USP8: variants seen among roughly 807,000 people sequenced by gnomAD.
USP8 encodes ubiquitin carboxyl-terminal hydrolase 8.
A neutral mutation model predicts 130.0 loss-of-function variants in USP8; 27 were observed. That is an observed-to-expected ratio of 0.21 (90% CI 0.15 to 0.29). USP8 has a LOEUF of 0.29. USP8 is among the 10% of genes least tolerant of loss of function. The pLI is 1.00. For synonymous variants in USP8, 392 were observed against 444.1 expected (o/e 0.88, Z 1.48); for missense variants, 1,029 against 1,312.2 (o/e 0.78, Z 3.33).
At chr15:50,436,984 C>CT (rs548499298) in intron 1 of USP8, among the ~76,000 whole-genome samples, 30 of 147,490 alleles carry the variant, frequency 2.0e-4, no homozygotes, top group East Asian at 1.0e-3. Flanking sequence ...TGTTCCAAGT[C>CT]TTTTTTTTTT....
At chr15:50,430,541 G>A (rs1037100698) in intron 1 of USP8, among the ~76,000 whole-genome samples, 1 of 152,016 alleles carries the variant, frequency 6.6e-6, no homozygotes, top group African/African-American at 2.4e-5. Flanking sequence ...GGGACCACAG[G>A]CGCATGCCAC....
At chr15:50,467,000 A>T in intron 7 of USP8, 1 of 507,516 alleles carries the variant, frequency 2.0e-6, no homozygotes, top group South Asian at 2.6e-5. Flanking sequence ...TCCACAAACA[A>T]CTCATTGACT....
chr15:50,491,017 G>A lies in USP8; in HGVS notation c.2234+492G>A, dbSNP rs556736370. Among the ~76,000 whole-genome samples, 6 of 152,156 alleles carry A rather than the reference G, an allele frequency of 3.9e-5. No individual in the cohort carries two copies. The East Asian group carries it at 1.2e-3, about 29-fold the overall frequency. On this transcript the variant is annotated intron_variant, in intron 14 of 19. Transcript: ENST00000307179. Reference sequence around the variant, plus strand: ...TTATTCTGTTCCCTTTTCCTTCGTTGTAGTTTTGCTATTCTGTTTACAAAT... The same window carrying A: ...TTATTCTGTTCCCTTTTCCTTCGTTATAGTTTTGCTATTCTGTTTACAAAT...
chr15:50,512,918 C>A lies in USP8; in HGVS notation c.*13830C>A, dbSNP rs1356341925. 6.6e-6 allele frequency: 1 copy of A among 152,014 alleles called. No homozygotes were observed. The highest frequency in any genetic ancestry group is 1.5e-5 in the Non-Finnish European group (1 of 67,994). 9.4% of individuals were successfully genotyped at this position (152,014 alleles called of 1,614,324 possible). ...TGGGAAACAAAAAGATCATGTACAA[C>A]AAACCAAAAACAAAAAAGTTATTTC... On this transcript the variant is annotated 3_prime_UTR_variant, in exon 20 of 20. Transcript: ENST00000307179.
At chr15:50,483,622 G>A (rs2051850880) in intron 11 of USP8, among the ~76,000 whole-genome samples, 2 of 152,088 alleles carry the variant, frequency 1.3e-5, no homozygotes, top group Admixed American at 6.6e-5. Context: ...GTAAAACCCT[G>A]TCTCCACTAA....
At chr15:50,426,043 C>T (rs1215813792) in intron 1 of USP8, among the ~76,000 whole-genome samples, 1 of 152,132 alleles carries the variant, frequency 6.6e-6, no homozygotes, top group Non-Finnish European at 1.5e-5. Flanking sequence ...ATCGCTTGAA[C>T]CTGGAAAGCG....
chr15:50,438,520 G>A (rs186859043), intron 1 of USP8, among the ~76,000 whole-genome samples: 1 of 152,304 alleles, frequency 6.6e-6, no homozygotes, highest in East Asian at 1.9e-4. Flanking sequence ...GGGAGGTGAA[G>A]GTTACAGTAA....
In USP8 at chr15:50,505,425, A is replaced by G. The variant is rs1281538805; in HGVS notation, c.*6337A>G. 15 of 152,230 alleles carry G rather than the reference A, an allele frequency of 9.9e-5. No homozygotes were observed. Among genetic ancestry groups the G allele is most frequent in the Non-Finnish European group, 1.5e-5 (1 of 68,052 alleles). The allele number at this position is 152,230 out of a possible 1,614,324, so 9.4% of individuals were successfully genotyped here. A position where few individuals can be genotyped will look rare whatever the true frequency, so the allele number is the denominator to read the frequency against. ...TCAATCTGGAATTTGATTTCTAGTT[A>G]TCATCCAAGAATGAAAGTGAATTAA... On this transcript the variant is annotated 3_prime_UTR_variant, in exon 20 of 20. Coordinates refer to ENST00000307179, the MANE Select transcript of USP8 (RefSeq NM_005154.5).
chr15:50,498,538 T>C, intron 18 of USP8, 58 bp from the exon 19 acceptor site: 2 of 1,502,810 alleles, frequency 1.3e-6, no homozygotes, highest in Non-Finnish European at 1.8e-6. Context: ...TGTTAATGAA[T>C]GAGGATTCAT....
intron 5 of USP8, among the ~76,000 whole-genome samples, chr15:50,461,421 A>G (rs868866177): frequency 2.8e-5 from 4 of 141,804 alleles, no homozygotes; most frequent in East Asian, 2.1e-4. Context: ...ATGCAACTGC[A>G]CTCCAGCTTG....
chr15:50,426,026 C>T (rs1037619914), intron 1 of USP8, among the ~76,000 whole-genome samples: 3 of 152,160 alleles, frequency 2.0e-5, no homozygotes, highest in African/African-American at 7.2e-5. Context: ...GAGGCTGAGG[C>T]AGGAGAATCG....
At chr15:50,490,947 A>G (rs1339990549) in intron 14 of USP8, among the ~76,000 whole-genome samples, 1 of 152,186 alleles carries the variant, frequency 6.6e-6, no homozygotes, top group African/African-American at 2.4e-5. Context: ...AAGTTTTCCT[A>G]TAGTATTAAA....
intron 1 of USP8, among the ~76,000 whole-genome samples, chr15:50,431,918 A>G (rs990636489): frequency 4.6e-5 from 7 of 152,190 alleles, no homozygotes; most frequent in Non-Finnish European, 1.0e-4. Flanking sequence ...AGCCTCCCAA[A>G]GTGCTGGGAT....
intron 1 of USP8, among the ~76,000 whole-genome samples, chr15:50,428,418 A>G (rs567456310): frequency 1.3e-5 from 2 of 152,334 alleles, no homozygotes; most frequent in African/African-American, 4.8e-5. Context: ...CGCCGGGCCT[A>G]CAATTTAGTT....
At chr15:50,459,834 A>T (rs1423884483) in intron 5 of USP8, among the ~76,000 whole-genome samples, 1 of 152,058 alleles carries the variant, frequency 6.6e-6, no homozygotes, top group African/African-American at 2.4e-5. Flanking sequence ...ATAGTCTTGA[A>T]ATAGACAATT....
chr15:50,500,795 A>G lies in USP8; in HGVS notation c.*1707A>G. The G allele has an allele frequency of 6.3e-7, 1 of 1,590,954 alleles. No individual in the cohort carries two copies. Among genetic ancestry groups the G allele is most frequent in the Non-Finnish European group, 8.6e-7 (1 of 1,168,222 alleles). On this transcript the variant is annotated 3_prime_UTR_variant, in exon 20 of 20. Transcript: ENST00000307179. Reference sequence around the variant, plus strand: ...CAGGCCTGGGTGACTGAATTCTTGCAGAAAGCAGTGTAGTGGCCACCATCC... The same window carrying G: ...CAGGCCTGGGTGACTGAATTCTTGCGGAAAGCAGTGTAGTGGCCACCATCC...
In USP8 at chr15:50,501,291, A is replaced by G. The variant is rs1377207263; in HGVS notation, c.*2203A>G. On this transcript the variant is annotated 3_prime_UTR_variant, in exon 20 of 20. Transcript: ENST00000307179. ...CCTGGGCAAAATAGCGAGACTCCAT[A>G]TCTTTTAAAGGAAAAAAAAAAAAAA... 13 of 139,044 alleles carry G rather than the reference A, an allele frequency of 9.3e-5. No individual in the cohort carries two copies. Among genetic ancestry groups the G allele is most frequent in the Admixed American group, 7.4e-4 (10 of 13,470 alleles). 8.6% of individuals were successfully genotyped at this position (139,044 alleles called of 1,614,324 possible).
chr15:50,458,525 C>A, intron 4 of USP8: 1 of 163,622 alleles, frequency 6.1e-6, no homozygotes, highest in Non-Finnish European at 1.3e-5. Flanking sequence ...TGTTTAACTG[C>A]CAACAAGTTG....
Position 50,492,784 on chromosome 15 carries a change from G to A in USP8, c.2318G>A (p.Gly773Glu). 1 of 1,614,062 alleles carries A rather than the reference G, an allele frequency of 6.2e-7. No homozygotes were observed. The highest frequency in any genetic ancestry group is 8.5e-7 in the Non-Finnish European group (1 of 1,180,000). Residue 773 changes from glycine to glutamate, a missense_variant, in exon 15 of 20, where the codon GGA becomes GAA. Physicochemically the swap from Gly to Glu is moderately conservative, Grantham distance 98. Coordinates refer to ENST00000307179, the MANE Select transcript of USP8 (RefSeq NM_005154.5). ...RNLNPVFGGS[G>E]PALTGLRNLG... ...CTCAATCCTGTTTTTGGAGGTTCTG[G>A]ACCAGCTCTTACTGGACTTCGTAAC...
Sources: gnomAD v4.1 joint callset for allele counts (sites outside exome capture counted in the v4.1 genomes callset) on GRCh38, gnomAD v4.1.1 for gene constraint, MANE v1.5 for transcripts, NCBI Gene and HGNC (gene_info 2026-07-23, HGNC 2026-07-21) for gene names.